Variants in TRIM9 observed in about 807,000 individuals in gnomAD.
TRIM9 encodes E3 ubiquitin-protein ligase TRIM9.
In TRIM9, 26 loss-of-function variants were observed where a neutral mutation model predicts 78.3. That is an observed-to-expected ratio of 0.33 (90% CI 0.24 to 0.46). The LOEUF is 0.46. TRIM9 is among the 20% of genes least tolerant of loss of function. TRIM9 has a pLI of 1.00. For synonymous variants in TRIM9, 398 were observed against 416.5 expected (o/e 0.96, Z 0.54); for missense variants, 787 against 1,036.4 (o/e 0.76, Z 3.30).
chr14:50,986,276 C>T lies in TRIM9; in HGVS notation c.1604-132G>A, dbSNP rs545267414. On this transcript the variant is annotated intron_variant, in intron 7 of 12. Transcript: ENST00000684578. ...TTTCCCACAGGGTGCCACACTCAGG[C>T]ATTTACAAAACCAATGTGCCTGGGG... 1.4e-5 allele frequency: 11 copies of T among 807,842 alleles called. No homozygotes were observed. The South Asian group carries it at 5.7e-4, about 42-fold the overall frequency. 50.0% of individuals were successfully genotyped at this position (807,842 alleles called of 1,614,324 possible). A position where few individuals can be genotyped will look rare whatever the true frequency, so the allele number is the denominator to read the frequency against.
At chr14:51,017,448 T>TC (rs1350931342) in intron 3 of TRIM9, among the ~76,000 whole-genome samples, 22 of 152,222 alleles carry the variant, frequency 1.4e-4, no homozygotes, top group African/African-American at 5.3e-4. Flanking sequence ...CACCAATGCC[T>TC]TACCAATAAA....
intron 7 of TRIM9, 29 bp downstream of exon 7, chr14:50,998,021 C>T (rs748950338): frequency 1.2e-6 from 2 of 1,613,776 alleles, no homozygotes; most frequent in Non-Finnish European, 1.7e-6. Flanking sequence ...GCAGTTCTCG[C>T]TCTGAGGGAT....
chr14:51,013,961 C>T (rs977185461), intron 3 of TRIM9, among the ~76,000 whole-genome samples: 1 of 152,080 alleles, frequency 6.6e-6, no homozygotes, highest in African/African-American at 2.4e-5. Context: ...TTGGTGCTGC[C>T]AGGTAGCAGA....
At position 51,015,505 on chromosome 14, in the gene TRIM9, C is replaced by CTTTTTTTTTTTTTTTTTTTT. The variant is rs369652663; in HGVS notation, c.1042-5031_1042-5012dup. 5.9e-4 allele frequency among the ~76,000 whole-genome samples: 36 copies of CTTTTTTTTTTTTTTTTTTTT among 61,328 alleles called. 5 individuals are homozygous for CTTTTTTTTTTTTTTTTTTTT. The highest frequency in any genetic ancestry group is 2.0e-3 in the African/African-American group (29 of 14,668). 40.2% of individuals were successfully genotyped at this position (61,328 alleles called of 152,430 possible). A position where few individuals can be genotyped will look rare whatever the true frequency, so the allele number is the denominator to read the frequency against. On this transcript the variant is annotated intron_variant, in intron 3 of 12. Transcript: ENST00000684578. The stretch of plus-strand genomic sequence containing the variant: ...AATGCTTTTTTCTTTCTTTACTTTT[C>CTTTTTTTTTTTTTTTTTTTT]TTTTTTTTTTTTTTTTTTTTTTTTT...
intron 1 of TRIM9, among the ~76,000 whole-genome samples, chr14:51,053,151 C>A (rs1439054617): frequency 1.7e-5 from 2 of 114,902 alleles, no homozygotes; most frequent in Non-Finnish European, 4.0e-5. Context: ...CAGAGAGAGA[C>A]CCTGTTTCAA....
At chr14:51,056,546 G>T (rs1241237186) in intron 1 of TRIM9, among the ~76,000 whole-genome samples, 1 of 152,170 alleles carries the variant, frequency 6.6e-6, no homozygotes, top group Non-Finnish European at 1.5e-5. Context: ...TTTCCAGGCA[G>T]TTTGGAAATG....
chr14:50,980,149 G>T (rs2051665316), intron 11 of TRIM9, among the ~76,000 whole-genome samples: 2 of 152,128 alleles, frequency 1.3e-5, no homozygotes, highest in Middle Eastern at 3.2e-3. Context: ...CAGTTTTTTG[G>T]CTTGTTGCAT....
intron 5 of TRIM9, among the ~76,000 whole-genome samples, chr14:51,001,656 A>T (rs546570994): frequency 8.5e-5 from 13 of 152,102 alleles, no homozygotes; most frequent in East Asian, 1.9e-4. Flanking sequence ...ATTTTTTTTT[A>T]AAACCAGTGA....
At chr14:50,982,861 T>G (rs2052153285) in intron 10 of TRIM9, 81 bp downstream of exon 10, 1 of 1,318,252 alleles carries the variant, frequency 7.6e-7, no homozygotes, top group Admixed American at 2.0e-5. Context: ...GAGATGTAAT[T>G]GCTGATTTAT....
At chr14:50,977,467 A>G in intron 12 of TRIM9, 114 bp from the exon 13 acceptor site, 1 of 729,072 alleles carries the variant, frequency 1.4e-6, no homozygotes, top group South Asian at 5.7e-5. Context: ...TTCGCTTTAA[A>G]CATCTAGGCT....
chr14:51,079,845 G>A (rs1418885431), intron 1 of TRIM9, among the ~76,000 whole-genome samples: 1 of 152,148 alleles, frequency 6.6e-6, no homozygotes, highest in Non-Finnish European at 1.5e-5. Context: ...ATGACCAGGA[G>A]GGAAGGCACA....
At chr14:51,056,973 G>A (rs1489475800) in intron 1 of TRIM9, among the ~76,000 whole-genome samples, 4 of 152,142 alleles carry the variant, frequency 2.6e-5, no homozygotes, top group African/African-American at 9.7e-5. Flanking sequence ...ATTTGGTTTA[G>A]CTTCTGCCCA....
chr14:51,012,294 T>C (rs991043812), intron 3 of TRIM9, among the ~76,000 whole-genome samples: 1 of 152,246 alleles, frequency 6.6e-6, no homozygotes, highest in Non-Finnish European at 1.5e-5. Flanking sequence ...AATTTCACTA[T>C]GCTAAGAACC....
At chr14:51,063,057 G>A (rs1413128241) in intron 1 of TRIM9, among the ~76,000 whole-genome samples, 2 of 152,032 alleles carry the variant, frequency 1.3e-5, no homozygotes, top group Non-Finnish European at 2.9e-5. Flanking sequence ...GAATTAGCAG[G>A]GAAAGGCCTC....
chr14:51,088,623 A>G (rs1316898876), intron 1 of TRIM9, among the ~76,000 whole-genome samples: 1 of 152,014 alleles, frequency 6.6e-6, no homozygotes, highest in Non-Finnish European at 1.5e-5. Flanking sequence ...TCATCACTAC[A>G]TACATGGAGT....
At chr14:51,001,722 T>C (rs2055075937) in intron 5 of TRIM9, among the ~76,000 whole-genome samples, 1 of 151,750 alleles carries the variant, frequency 6.6e-6, no homozygotes, top group Non-Finnish European at 1.5e-5. Context: ...TTTGAAAATT[T>C]GGATCCAAGT....
chr14:50,999,289 G>A (rs1173273945), intron 6 of TRIM9, among the ~76,000 whole-genome samples: 2 of 151,936 alleles, frequency 1.3e-5, no homozygotes, highest in East Asian at 1.9e-4. Flanking sequence ...GAAAAGAAAG[G>A]CCCTGAAAAT....
At chr14:51,046,194 A>G (rs1240473616) in intron 1 of TRIM9, among the ~76,000 whole-genome samples, 2 of 152,090 alleles carry the variant, frequency 1.3e-5, no homozygotes, top group Non-Finnish European at 2.9e-5. Flanking sequence ...TGGGTGGGCT[A>G]GAGATAAGTA....
chr14:50,990,719 T>G (rs980421773), intron 7 of TRIM9, among the ~76,000 whole-genome samples: 1 of 152,186 alleles, frequency 6.6e-6, no homozygotes, highest in Non-Finnish European at 1.5e-5. Context: ...CTTCATAACT[T>G]AAGCAGCCCT....
Sources: allele counts gnomAD v4.1 joint callset (sites outside exome capture counted in the v4.1 genomes callset), GRCh38; gene constraint gnomAD v4.1.1; transcripts MANE v1.5; gene names NCBI Gene and HGNC (gene_info 2026-07-23, HGNC 2026-07-21).